Variants in SLC36A4 observed in about 807,000 individuals in gnomAD.
SLC36A4 encodes the protein solute carrier family 36 member 4, also known as neutral amino acid uniporter 4.
In SLC36A4, 49 loss-of-function variants were observed where a neutral mutation model predicts 50.5. The observed-to-expected ratio is 0.97, with a 90% confidence interval of 0.77 to 1.23. The LOEUF (loss-of-function observed/expected upper bound fraction) is 1.23. Ranked by LOEUF, SLC36A4 falls within the 50% of genes most tolerant of loss-of-function variation. The pLI is 0.00. For missense variants in SLC36A4, 611 were observed against 608.4 expected (o/e 1.00, Z -0.05); for synonymous variants, 207 against 206.5 (o/e 1.00, Z -0.02).
chr11:93,166,773 A>C (rs1860886839), intron 7 of SLC36A4: 1 of 152,270 alleles, frequency 6.6e-6, no homozygotes, highest in Non-Finnish European at 1.5e-5. Flanking sequence ...AAAAGAATGA[A>C]CAAAGCAACT....
At chr11:93,171,078 G>A (rs1010299869) in intron 6 of SLC36A4, 2 of 151,404 alleles carry the variant, frequency 1.3e-5, no homozygotes, top group African/African-American at 4.8e-5. Flanking sequence ...CTGATTGCAT[G>A]CTGCTTCAGT....
intron 6 of SLC36A4, among the ~76,000 whole-genome samples, chr11:93,174,166 C>G (rs1215490220): frequency 2.0e-5 from 3 of 149,180 alleles, no homozygotes; most frequent in Non-Finnish European, 4.5e-5. Flanking sequence ...CCTTCACATC[C>G]CTTGTAAGTT....
chr11:93,175,869 T>C (rs1861439586), intron 6 of SLC36A4, among the ~76,000 whole-genome samples: 1 of 92,378 alleles, frequency 1.1e-5, no homozygotes, highest in Non-Finnish European at 2.1e-5. Flanking sequence ...TACTTCCAAC[T>C]ATGTGGTCAA....
chr11:93,193,961 TTAAC>T (rs1348522710), intron 1 of SLC36A4, among the ~76,000 whole-genome samples: 1 of 152,170 alleles, frequency 6.6e-6, no homozygotes, highest in Non-Finnish European at 1.5e-5. Flanking sequence ...AATTACTAAA[TTAAC>T]TAAGGCACAG....
chr11:93,172,431 T>C (rs893904138), intron 6 of SLC36A4, among the ~76,000 whole-genome samples: 3 of 151,530 alleles, frequency 2.0e-5, no homozygotes, highest in African/African-American at 7.3e-5. Context: ...GTCCCCAAAG[T>C]CCACTGTATC....
chr11:93,177,588 G>A (rs1230534777), intron 6 of SLC36A4, among the ~76,000 whole-genome samples: 2 of 152,110 alleles, frequency 1.3e-5, no homozygotes, highest in Non-Finnish European at 2.9e-5. Flanking sequence ...TTTTTCTTCT[G>A]ACAGTCAGGA....
At chr11:93,183,750 T>A (rs567986238) in intron 3 of SLC36A4, among the ~76,000 whole-genome samples, 1 of 151,958 alleles carries the variant, frequency 6.6e-6, no homozygotes, top group East Asian at 1.9e-4. Context: ...CAGGCTGGAG[T>A]GCAGTGGCGC....
chr11:93,163,270 A>C (rs1860714049), intron 8 of SLC36A4, among the ~76,000 whole-genome samples: 1 of 152,214 alleles, frequency 6.6e-6, no homozygotes, highest in South Asian at 2.1e-4. Flanking sequence ...GTACATCACT[A>C]TTAACTAAAC....
chr11:93,173,871 C>G (rs898961072), intron 6 of SLC36A4, among the ~76,000 whole-genome samples: 94 of 137,282 alleles, frequency 6.8e-4, no homozygotes, highest in African/African-American at 2.5e-3. Flanking sequence ...AGTTTGAAGT[C>G]AGGTAGTGTG....
Position 93,181,764 on chromosome 11 carries a change from A to T in SLC36A4, c.382T>A (p.Tyr128Asn), listed in dbSNP as rs1403033554. 6.4e-7 allele frequency: 1 copy of T among 1,554,872 alleles called. No homozygotes were observed. The highest frequency in any genetic ancestry group is 8.7e-7 in the Non-Finnish European group (1 of 1,145,698). Residue 128 changes from tyrosine to asparagine, a missense_variant, in exon 5 of 11, where the codon TAT becomes AAT. Coordinates refer to ENST00000326402, the MANE Select transcript of SLC36A4 (RefSeq NM_152313.4). ...CLRFKKSTLG[Y>N]SDTVSFAMEV... ...ATAGCAAAGCTCACAGTGTCACTAT[A>T]ACCTAATGTTGACTTTTTAAACCTG...
In SLC36A4 at chr11:93,154,190, G is replaced by C. The variant is rs776694196; in HGVS notation, c.1125C>G (p.Ile375Met). The C allele has an allele frequency of 6.4e-7, 1 of 1,564,650 alleles. No individual in the cohort carries two copies. Among genetic ancestry groups the C allele is most frequent in the Non-Finnish European group, 8.6e-7 (1 of 1,158,850 alleles). Residue 375 changes from isoleucine (I) to methionine (M), a missense_variant, in exon 10 of 11, where the codon ATC (isoleucine) becomes ATG (methionine). By Grantham distance (10) the Ile-to-Met change is conservative. Transcript: ENST00000326402. ...TATGAAATTTGGATGTGATCCCAGG[G>C]ATAATGATCTCTGCTGGAACATAGA... is the stretch of plus-strand genomic sequence containing the variant. ...IQFYVPAEII[I>M]PGITSKFHTK... is the part of the protein sequence containing the mutation.
At position 93,146,116 on chromosome 11, in the gene SLC36A4, C is replaced by T. The variant is rs146160345; in HGVS notation, c.*2421G>A. 1.3e-5 allele frequency: 2 copies of T among 151,862 alleles called. No homozygotes were observed. Among genetic ancestry groups the T allele is most frequent in the Non-Finnish European group, 2.9e-5 (2 of 67,936 alleles). 9.4% of individuals were successfully genotyped at this position (151,862 alleles called of 1,614,324 possible). A position where few individuals can be genotyped will look rare whatever the true frequency, so the allele number is the denominator to read the frequency against. The stretch of plus-strand genomic sequence containing the variant: ...CACCATTCTTATTGCTAAAGGAAGC[C>T]TGATTGATAATATACTCAAGATGAG... On this transcript the variant is annotated 3_prime_UTR_variant, in exon 11 of 11. Transcript: ENST00000326402.
At chr11:93,152,039 A>G (rs1387769290) in intron 10 of SLC36A4, 1 of 152,076 alleles carries the variant, frequency 6.6e-6, no homozygotes, top group African/African-American at 2.4e-5. Flanking sequence ...CACTAAGAAG[A>G]TATTTTGAGA....
At chr11:93,179,984 T>G in intron 6 of SLC36A4, 1 of 569,388 alleles carries the variant, frequency 1.8e-6, no homozygotes, top group Non-Finnish European at 2.2e-6. Context: ...AATACACAAA[T>G]GCACAAGAAC....
At position 93,197,929 on chromosome 11, in the gene SLC36A4, G is replaced by C. The variant is rs888745409; in HGVS notation, c.-97C>G. The C allele has an allele frequency of 6.4e-6, 8 of 1,250,068 alleles. No homozygotes were observed. The highest frequency in any genetic ancestry group is 8.4e-6 in the Non-Finnish European group (8 of 957,174). 77.4% of individuals were successfully genotyped at this position (1,250,068 alleles called of 1,614,324 possible). A position where few individuals can be genotyped will look rare whatever the true frequency, so the allele number is the denominator to read the frequency against. On this transcript the variant is annotated 5_prime_UTR_variant, in exon 1 of 11. Coordinates refer to ENST00000326402, the MANE Select transcript of SLC36A4 (RefSeq NM_152313.4). ...CAGGCCTACCTCCCCTGCCCGGAGG[G>C]ACCCGCGCCTGGTGCCCGCCTCCCT...
intron 6 of SLC36A4, among the ~76,000 whole-genome samples, chr11:93,175,595 A>G (rs1861423842): frequency 1.1e-5 from 1 of 94,086 alleles, no homozygotes; most frequent in South Asian, 3.7e-4. Flanking sequence ...AGTGCTATAC[A>G]TTTCCCTCTA....
At position 93,193,051 on chromosome 11, in the gene SLC36A4, C is replaced by G. The variant is rs1186714424; in HGVS notation, c.55+4727G>C. 4.3e-6 allele frequency: 3 copies of G among 705,444 alleles called. No homozygotes were observed. In the African/African-American group the frequency reaches 5.8e-5, roughly 14 times the overall value. 43.7% of individuals were successfully genotyped at this position (705,444 alleles called of 1,614,324 possible). The stretch of plus-strand genomic sequence containing the variant: ...CACATAAATAAGTAATCAATAAACA[C>G]TTTTTTTGTCTTCCTCCATATATTA... On this transcript the variant is annotated intron_variant, in intron 1 of 10. Coordinates refer to ENST00000326402, the MANE Select transcript of SLC36A4 (RefSeq NM_152313.4).
intron 1 of SLC36A4, among the ~76,000 whole-genome samples, chr11:93,195,658 A>AC (rs1189583383): frequency 6.6e-6 from 1 of 152,158 alleles, no homozygotes; most frequent in African/African-American, 2.4e-5. Flanking sequence ...GTCACAGTTT[A>AC]CATTACCTAC....
chr11:93,145,933 C>G lies in SLC36A4; in HGVS notation c.*2604G>C, dbSNP rs1859836929. On this transcript the variant is annotated 3_prime_UTR_variant, in exon 11 of 11. Coordinates refer to ENST00000326402, the MANE Select transcript of SLC36A4 (RefSeq NM_152313.4). ...TGCAAATAAAATGCATCATCAAATA[C>G]CCTTAATAAGAATACATTTAAGCTT... 6.6e-6 allele frequency: 1 copy of G among 152,008 alleles called. No homozygotes were observed. Among genetic ancestry groups the G allele is most frequent in the Non-Finnish European group, 1.5e-5 (1 of 67,980 alleles). The allele number at this position is 152,008 out of a possible 1,614,324, so 9.4% of individuals were successfully genotyped here. A position where few individuals can be genotyped will look rare whatever the true frequency, so the allele number is the denominator to read the frequency against.
Sources: allele counts gnomAD v4.1 joint callset (sites outside exome capture counted in the v4.1 genomes callset), GRCh38; gene constraint gnomAD v4.1.1; transcripts MANE v1.5; gene names NCBI Gene and HGNC (gene_info 2026-07-23, HGNC 2026-07-21).